Variants in EPB41L3 observed in about 807,000 individuals in gnomAD.
EPB41L3 encodes the protein erythrocyte membrane protein band 4.1 like 3.
In EPB41L3, 57 loss-of-function variants were observed where a neutral mutation model predicts 127.1. That is an observed-to-expected ratio of 0.45 (90% CI 0.36 to 0.56). EPB41L3 has a LOEUF of 0.56. Ranked by LOEUF, EPB41L3 falls within the 20% of genes least tolerant of loss-of-function variation. The pLI is 0.00. For synonymous variants in EPB41L3, 572 were observed against 549.5 expected, an observed-to-expected ratio of 1.04 and a Z score of -0.57; for missense variants, 1,273 against 1,372.2, an observed-to-expected ratio of 0.93 and a Z score of 1.14.
intron 3 of EPB41L3, among the ~76,000 whole-genome samples, chr18:5,582,137 G>T (rs1056958725): frequency 5.3e-5 from 8 of 152,242 alleles, no homozygotes; most frequent in African/African-American, 1.9e-4. Context: ...GAAAGCCCGA[G>T]TAGATTTAGA....
intron 9 of EPB41L3, among the ~76,000 whole-genome samples, chr18:5,427,425 G>A (rs145902757): frequency 2.0e-3 from 307 of 152,208 alleles, no homozygotes; most frequent in African/African-American, 6.6e-3. Context: ...AGATATAAAC[G>A]TAAGTTGATC....
At chr18:5,596,989 A>G (rs2143693795) in intron 3 of EPB41L3, among the ~76,000 whole-genome samples, 1 of 152,292 alleles carries the variant, frequency 6.6e-6, no homozygotes, top group East Asian at 1.9e-4. Context: ...CAGGAGGCTG[A>G]GGCAGGAGGA....
chr18:5,401,001 G>T (rs1178442871), intron 16 of EPB41L3: 1 of 1,534,084 alleles, frequency 6.5e-7, no homozygotes. Flanking sequence ...CTTCCTTGCT[G>T]CAAAAATATA....
chr18:5,494,185 A>G (rs978405598), intron 1 of EPB41L3, among the ~76,000 whole-genome samples: 10 of 151,936 alleles, frequency 6.6e-5, no homozygotes, highest in Non-Finnish European at 5.9e-5. Context: ...TGATCTCTGC[A>G]CCACCCCCTG....
chr18:5,410,961 C>A (rs1465645352), intron 13 of EPB41L3, among the ~76,000 whole-genome samples: 1 of 152,188 alleles, frequency 6.6e-6, no homozygotes, highest in African/African-American at 2.4e-5. Context: ...CAAGCAACAT[C>A]TCCTTAAAAT....
chr18:5,534,912 A>G (rs1202613156), intron 1 of EPB41L3, among the ~76,000 whole-genome samples: 1 of 152,156 alleles, frequency 6.6e-6, no homozygotes, highest in African/African-American at 2.4e-5. Flanking sequence ...AGGTTAGCAG[A>G]TGTTTCCATC....
At chr18:5,453,233 G>C (rs2146703759) in intron 3 of EPB41L3, among the ~76,000 whole-genome samples, 1 of 152,336 alleles carries the variant, frequency 6.6e-6, no homozygotes, top group Non-Finnish European at 1.5e-5. Flanking sequence ...TTCTGGCACA[G>C]CTGAAATTAG....
chr18:5,543,997 C>A lies in EPB41L3; in HGVS notation c.-96G>T. The A allele has an allele frequency of 2.0e-6, 2 of 985,538 alleles. No homozygotes were observed. The highest frequency in any genetic ancestry group is 2.4e-6 in the Non-Finnish European group (2 of 830,054). 61.0% of individuals were successfully genotyped at this position (985,538 alleles called of 1,614,324 possible). On this transcript the variant is annotated 5_prime_UTR_variant, in exon 1 of 23. Coordinates refer to ENST00000341928, the MANE Select transcript of EPB41L3 (RefSeq NM_012307.5). The surrounding 1 kb of genome is among the most constrained non-coding windows in gnomAD (Gnocchi z 5.2). ...CCTCGGCGGCGGTGCGCAGGAGACTCGGGCGTGGGGAGGAAGCCGCAGCCC... is the reference window on the plus strand; with the variant it reads ...CCTCGGCGGCGGTGCGCAGGAGACTAGGGCGTGGGGAGGAAGCCGCAGCCC...
At chr18:5,443,745 C>T in intron 5 of EPB41L3, 93 bp downstream of exon 5, 1 of 931,876 alleles carries the variant, frequency 1.1e-6, no homozygotes, top group Non-Finnish European at 1.6e-6. Context: ...AGCTTGTATT[C>T]ACACTAGCCA....
At chr18:5,568,427 TA>T (rs555002375) in intron 3 of EPB41L3, among the ~76,000 whole-genome samples, 1,337 of 109,282 alleles carry the variant, frequency 0.012, 24 homozygotes, top group African/African-American at 0.043. Context: ...CTCTGGATAG[TA>T]AAAAAAAAAA....
chr18:5,498,525 T>C (rs1040376981), intron 1 of EPB41L3, among the ~76,000 whole-genome samples: 8 of 142,172 alleles, frequency 5.6e-5, no homozygotes, highest in African/African-American at 2.1e-4. Context: ...ACCTGGGAGG[T>C]GGAGGTTGCA....
In EPB41L3 at chr18:5,394,804, G is replaced by T; in HGVS notation, c.3154-11C>A. The T allele has an allele frequency of 6.2e-7, 1 of 1,613,506 alleles. No individual in the cohort carries two copies. The highest frequency in any genetic ancestry group is 8.5e-7 in the Non-Finnish European group (1 of 1,179,482). On this transcript the variant is annotated splice_polypyrimidine_tract_variant and intron_variant, in intron 21 of 22. Transcript: ENST00000341928. The stretch of plus-strand genomic sequence containing the variant: ...TGCCTGAGCCAGCGCCTATCCCCGG[G>T]AAATCACAGAAGGGCAGAAACAAAA...
intron 12 of EPB41L3, among the ~76,000 whole-genome samples, chr18:5,416,792 G>A (rs2144788504): frequency 6.6e-6 from 1 of 152,062 alleles, no homozygotes; most frequent in East Asian, 1.9e-4. Context: ...AGGTAGCAGA[G>A]CTGTTACTAT....
intron 1 of EPB41L3, among the ~76,000 whole-genome samples, chr18:5,506,799 G>A (rs1428014718): frequency 6.6e-6 from 1 of 152,136 alleles, no homozygotes; most frequent in East Asian, 1.9e-4. Context: ...CAGGCACTTA[G>A]CAGGTCCTCA....
In EPB41L3 at chr18:5,410,606, C is replaced by A. The variant is rs375743953; in HGVS notation, c.2081G>T (p.Arg694Leu). Residue 694 changes from arginine to leucine, a missense_variant, in exon 14 of 23, where the codon CGC (arginine) becomes CTC (leucine). This residue lies in a region of EPB41L3 where 765 missense variants were observed against 782.9 expected (regional missense o/e 0.98). Coordinates refer to ENST00000341928, the MANE Select transcript of EPB41L3 (RefSeq NM_012307.5). ...CTCCCCGTCGGCTGCGGTGTCCGTG[C>A]GCTCACTGTCAGTCTGTTGACCACA... ...DSSEEETDSE[R>L]TDTAADGETT... 2 of 1,613,466 alleles carry A rather than the reference C, an allele frequency of 1.2e-6. No homozygotes were observed. The highest frequency in any genetic ancestry group is 1.7e-6 in the Non-Finnish European group (2 of 1,179,614).
rs1269722451 is a variant in EPB41L3 at position 5,397,313 on chromosome 18, A to G, written c.2586T>C (p.Arg862=). 3 of 1,613,918 alleles carry G rather than the reference A, an allele frequency of 1.9e-6. No individual in the cohort carries two copies. Among genetic ancestry groups the G allele is most frequent in the Non-Finnish European group, 1.7e-6 (2 of 1,180,000 alleles). Residue 862 remains arginine, a synonymous_variant, in exon 18 of 23, where the codon CGT becomes CGC. Transcript: ENST00000341928. The surrounding 1 kb of genome is among the most constrained non-coding windows in gnomAD (Gnocchi z 4.1). The stretch of plus-strand genomic sequence containing the variant: ...AAGCATCCCCACTCGCGTGCACCAC[A>G]CGCCGCTCCTCCACCAACACGGTCT... ...VQETVLVEER[R]VVHASGDASY... is the part of the protein sequence containing the mutation.
intron 8 of EPB41L3, among the ~76,000 whole-genome samples, chr18:5,429,594 A>G (rs940273728): frequency 4.6e-5 from 7 of 152,220 alleles, no homozygotes; most frequent in Non-Finnish European, 8.8e-5. Context: ...AAATTTCCAG[A>G]ATCAGAAATA....
At chr18:5,467,732 TA>T (rs1267976275) in intron 3 of EPB41L3, among the ~76,000 whole-genome samples, 1 of 152,246 alleles carries the variant, frequency 6.6e-6, no homozygotes, top group Admixed American at 6.5e-5. Flanking sequence ...CTCAGCTTCA[TA>T]AACTGTGAAG....
At chr18:5,456,792 C>G (rs1274636192) in intron 3 of EPB41L3, among the ~76,000 whole-genome samples, 1 of 152,218 alleles carries the variant, frequency 6.6e-6, no homozygotes, top group East Asian at 1.9e-4. Flanking sequence ...CAGTGCTAAT[C>G]CTCTTTGCCC....
Sources: gnomAD v4.1 joint callset for allele counts (sites outside exome capture counted in the v4.1 genomes callset) on GRCh38, gnomAD v4.1.1 for gene constraint, gnomAD v4.1.1 regional missense constraint, Gnocchi (gnomAD v3.1) non-coding constraint, MANE v1.5 for transcripts, NCBI Gene and HGNC (gene_info 2026-07-23, HGNC 2026-07-21) for gene names.